Variants in CPED1 observed in about 807,000 individuals in gnomAD.
The protein encoded by CPED1 is cadherin like and PC-esterase domain containing 1, also known as cadherin-like and PC-esterase domain-containing protein 1.
A neutral mutation model predicts 128.2 loss-of-function variants in CPED1; 114 were observed. The observed-to-expected ratio is 0.89, with a 90% CI of 0.76 to 1.04. The LOEUF is 1.04. Among genes scored for constraint, CPED1 ranks in the 50% least tolerant of loss-of-function variants. The probability of loss-of-function intolerance (pLI) is 0.00; values close to 1 mark genes in which losing one functional copy is unlikely to be tolerated. For missense variants in CPED1, 1,211 were observed against 1,207.1 expected, an observed-to-expected ratio of 1.00 and a Z score of -0.05; for synonymous variants, 462 against 426.7, an observed-to-expected ratio of 1.08 and a Z score of -1.02.
chr7:121,045,782 T>C (rs1404653742), intron 3 of CPED1, among the ~76,000 whole-genome samples: 1 of 152,174 alleles, frequency 6.6e-6, no homozygotes, highest in African/African-American at 2.4e-5. Context: ...GAGGACTATT[T>C]CCTAAGTAAT....
rs545751005 is a variant in CPED1 at position 121,047,129 on chromosome 7, C to G, written c.540+136C>G. 11 of 518,900 alleles carry G rather than the reference C, an allele frequency of 2.1e-5. No individual in the cohort carries two copies. In the African/African-American group the frequency reaches 2.1e-4, roughly 10 times the overall value. The allele number at this position is 518,900 out of a possible 1,614,324, so 32.1% of individuals were successfully genotyped here. A position where few individuals can be genotyped will look rare whatever the true frequency, so the allele number is the denominator to read the frequency against. ...ATGGAGAATCTTCCAACTGGCCATG[C>G]CTTATATACTTTACCATAAAATAGT... On this transcript the variant is annotated intron_variant, in intron 4 of 22. Transcript: ENST00000310396.
chr7:121,051,004 G>T, intron 4 of CPED1: 1 of 534,660 alleles, frequency 1.9e-6, no homozygotes, highest in Non-Finnish European at 3.8e-6. Context: ...AAAAGTGGAA[G>T]CGAAGCTGAA....
intron 16 of CPED1, among the ~76,000 whole-genome samples, chr7:121,183,966 C>G (rs1280199629): frequency 6.6e-6 from 1 of 152,000 alleles, no homozygotes; most frequent in Admixed American, 6.6e-5. Flanking sequence ...ATAGTGAAAC[C>G]CTGTTTCTAC....
chr7:121,089,539 T>C (rs1192998574), intron 5 of CPED1, among the ~76,000 whole-genome samples: 1 of 152,220 alleles, frequency 6.6e-6, no homozygotes. Flanking sequence ...ACATTTAAAT[T>C]AGAATTGACT....
chr7:121,177,409 A>G (rs760193616), intron 16 of CPED1, among the ~76,000 whole-genome samples: 66 of 152,154 alleles, frequency 4.3e-4, no homozygotes, highest in Middle Eastern at 3.4e-3. Context: ...AGCTGTATTT[A>G]AGTCAATTTT....
chr7:121,235,693 T>C (rs2116663140), intron 16 of CPED1, among the ~76,000 whole-genome samples: 1 of 152,280 alleles, frequency 6.6e-6, no homozygotes, highest in Middle Eastern at 3.4e-3. Context: ...GGAATAATTA[T>C]TTGTTCCCAT....
At chr7:121,200,378 T>C (rs1797369571) in intron 16 of CPED1, among the ~76,000 whole-genome samples, 1 of 152,114 alleles carries the variant, frequency 6.6e-6, no homozygotes, top group Admixed American at 6.6e-5. Flanking sequence ...GGTATACATT[T>C]CCTATTCTTA....
intron 16 of CPED1, among the ~76,000 whole-genome samples, chr7:121,202,245 A>C (rs987189479): frequency 1.4e-4 from 21 of 152,268 alleles, no homozygotes; most frequent in Admixed American, 1.3e-3. Context: ...GCTGGTTTAC[A>C]CTTGGCTACT....
chr7:121,032,198 T>C (rs17535702), intron 3 of CPED1, among the ~76,000 whole-genome samples: 71,259 of 151,928 alleles, frequency 0.47, 17,996 homozygotes, highest in South Asian at 0.65. Flanking sequence ...ATCTTAAAAT[T>C]AATAATGTTA....
intron 3 of CPED1, among the ~76,000 whole-genome samples, chr7:121,020,305 C>T (rs973683292): frequency 1.3e-5 from 2 of 151,922 alleles, no homozygotes; most frequent in Non-Finnish European, 2.9e-5. Context: ...AAACTATAGT[C>T]CACTGGCTAA....
At chr7:121,292,857 A>G (rs529211331) in intron 22 of CPED1, among the ~76,000 whole-genome samples, 1 of 152,294 alleles carries the variant, frequency 6.6e-6, no homozygotes, top group South Asian at 2.1e-4. Context: ...AGGCTGCAGA[A>G]CAGCAAAGAT....
At chr7:121,148,497 A>G (rs1383203971) in intron 16 of CPED1, among the ~76,000 whole-genome samples, 1 of 152,200 alleles carries the variant, frequency 6.6e-6, no homozygotes, top group Non-Finnish European at 1.5e-5. Context: ...AAAGGTTAGA[A>G]ATCTTGTCAA....
chr7:121,295,718 G>A lies in CPED1; in HGVS notation c.*66G>A. ...TAGTCACCCGGACAATGGTCTAGGA[G>A]CCAAGCGCTGCACATCGCACACATT... On this transcript the variant is annotated 3_prime_UTR_variant, in exon 23 of 23. Transcript: ENST00000310396. The A allele has an allele frequency of 7.4e-7, 1 of 1,353,436 alleles. No individual in the cohort carries two copies. Among genetic ancestry groups the A allele is most frequent in the South Asian group, 1.2e-5 (1 of 82,708 alleles). 83.8% of individuals were successfully genotyped at this position (1,353,436 alleles called of 1,614,324 possible). A position where few individuals can be genotyped will look rare whatever the true frequency, so the allele number is the denominator to read the frequency against.
In CPED1 at chr7:121,024,449, A is replaced by G. The variant is rs536193484; in HGVS notation, c.433+8601A>G. Among the ~76,000 whole-genome samples, 93 of 152,268 alleles carry G rather than the reference A, an allele frequency of 6.1e-4. 1 individual carries two copies. Among genetic ancestry groups the G allele is most frequent in the African/African-American group, 2.0e-3 (84 of 41,556 alleles). ...TGAAAATGGCAACCAGATGTTTACC[A>G]AAGTCCCTAGCATTGCCCCTTCAAG... On this transcript the variant is annotated intron_variant, in intron 3 of 22. Transcript: ENST00000310396.
chr7:121,123,431 G>C (rs1795433860), intron 7 of CPED1, among the ~76,000 whole-genome samples: 1 of 152,038 alleles, frequency 6.6e-6, no homozygotes, highest in African/African-American at 2.4e-5. Flanking sequence ...AACATTAATA[G>C]AATACCTGCT....
intron 22 of CPED1, among the ~76,000 whole-genome samples, chr7:121,280,459 G>C (rs756602807): frequency 6.6e-6 from 1 of 152,170 alleles, no homozygotes; most frequent in African/African-American, 2.4e-5. Flanking sequence ...GAGTTACAAA[G>C]CCTCAGCTGT....
At chr7:121,128,356 T>TA in intron 10 of CPED1, 26 bp from the exon 11 acceptor site, 1 of 1,282,576 alleles carries the variant, frequency 7.8e-7, no homozygotes. Context: ...AACAATTGCT[T>TA]AAGTTCTTTC....
chr7:121,036,481 T>C (rs1462261706), intron 3 of CPED1, among the ~76,000 whole-genome samples: 1 of 140,366 alleles, frequency 7.1e-6, no homozygotes, highest in Non-Finnish European at 1.5e-5. Context: ...TAGTATTCCA[T>C]GGTGTGTGTA....
chr7:121,073,780 A>G (rs1794050684), intron 5 of CPED1, among the ~76,000 whole-genome samples: 1 of 147,230 alleles, frequency 6.8e-6, no homozygotes, highest in Non-Finnish European at 1.5e-5. Flanking sequence ...TCCAAGATCC[A>G]TATCTTGAAA....
Sources: gnomAD v4.1 joint callset for allele counts (sites outside exome capture counted in the v4.1 genomes callset) on GRCh38, gnomAD v4.1.1 for gene constraint, MANE v1.5 for transcripts, NCBI Gene and HGNC (gene_info 2026-07-23, HGNC 2026-07-21) for gene names.